The following NEURL1B variants were observed in gnomAD, a reference collection of about 807,000 sequenced individuals.
NEURL1B encodes the protein E3 ubiquitin-protein ligase NEURL1B.
A neutral mutation model predicts 37.4 loss-of-function variants in NEURL1B; 13 were observed. The observed-to-expected ratio is 0.35, with a 90% CI of 0.23 to 0.55. The LOEUF (loss-of-function observed/expected upper bound fraction) is 0.55, where lower values mean the gene tolerates loss of function less well. Ranked by LOEUF, NEURL1B falls within the 20% of genes least tolerant of loss-of-function variation. NEURL1B has a pLI of 0.89. For synonymous variants in NEURL1B, 432 were observed against 426.6 expected, an observed-to-expected ratio of 1.01 and a Z score of -0.16; for missense variants, 790 against 879.2, an observed-to-expected ratio of 0.90 and a Z score of 1.28.
At chr5:172,669,742 A>C in intron 1 of NEURL1B, 43 bp from the exon 2 acceptor site, 1 of 1,217,524 alleles carries the variant, frequency 8.2e-7, no homozygotes, top group Non-Finnish European at 1.0e-6. Flanking sequence ...GGCCCGCAGG[A>C]GTTCGGAGGA....
intron 1 of NEURL1B, among the ~76,000 whole-genome samples, chr5:172,667,884 C>G: frequency 8.2e-6 from 1 of 122,434 alleles, no homozygotes; most frequent in Admixed American, 1.1e-4. Flanking sequence ...CTACCCGCTT[C>G]CCTCCTTGCT....
intron 1 of NEURL1B, chr5:172,656,679 A>G (rs1369829500): frequency 5.9e-6 from 9 of 1,530,882 alleles, no homozygotes; most frequent in Admixed American, 1.8e-5. Flanking sequence ...GGGCTGTTTC[A>G]GTGGCTTCTT....
In NEURL1B at chr5:172,689,559, C is replaced by CT. The variant is rs1758589783; in HGVS notation, c.*2635dup. Reference sequence around the variant, plus strand: ...AAAAAAAAACTGTGCTACTTACAATCTATGAAAGCTGGTGTTATCCCACTT... The same window carrying CT: ...AAAAAAAAACTGTGCTACTTACAATCTTATGAAAGCTGGTGTTATCCCACTT... On this transcript the variant is annotated 3_prime_UTR_variant, in exon 5 of 5. Coordinates refer to ENST00000369800, the MANE Select transcript of NEURL1B (RefSeq NM_001142651.3). The CT allele has an allele frequency of 6.6e-6, 1 of 152,014 alleles. No individual in the cohort carries two copies. The highest frequency in any genetic ancestry group is 2.4e-5 in the African/African-American group (1 of 41,344). 9.4% of individuals were successfully genotyped at this position (152,014 alleles called of 1,614,324 possible).
chr5:172,664,584 G>A (rs1476129274), intron 1 of NEURL1B, among the ~76,000 whole-genome samples: 1 of 152,210 alleles, frequency 6.6e-6, no homozygotes, highest in Non-Finnish European at 1.5e-5. Context: ...GTTCAGGTTT[G>A]CCACTGACAT....
chr5:172,684,995 C>T (rs1758464298), intron 3 of NEURL1B, among the ~76,000 whole-genome samples: 1 of 152,188 alleles, frequency 6.6e-6, no homozygotes, highest in Admixed American at 6.5e-5. Context: ...CCCTTTGACT[C>T]TATTGAAATC....
chr5:172,683,832 G>A lies in NEURL1B; in HGVS notation c.991G>A (p.Gly331Arg). The A allele has an allele frequency of 1.5e-6, 2 of 1,327,666 alleles. No homozygotes were observed. Among genetic ancestry groups the A allele is most frequent in the South Asian group, 3.4e-5 (2 of 58,332 alleles). 82.2% of individuals were successfully genotyped at this position (1,327,666 alleles called of 1,614,324 possible). A position where few individuals can be genotyped will look rare whatever the true frequency, so the allele number is the denominator to read the frequency against. ...ESLFVEVGRPGLAAPGALAFG... is the reference protein window; with the variant it reads ...ESLFVEVGRPRLAAPGALAFG... ...CCTCTTCGTGGAGGTGGGCCGTCCGGGGCTGGCGGCGCCCGGCGCGCTGGC... is the reference window on the plus strand; with the variant it reads ...CCTCTTCGTGGAGGTGGGCCGTCCGAGGCTGGCGGCGCCCGGCGCGCTGGC... The change falls in exon 3 of 5, where the codon GGG becomes AGG. Residue 331 changes from glycine (G) to arginine (R), a missense_variant. Gly to Arg is a moderately radical substitution (Grantham distance 125, BLOSUM62 -2). Transcript: ENST00000369800. This position sits in a 1 kb window ranked among gnomAD's most constrained non-coding sequence, Gnocchi z 5.6.
rs934921610 is a variant in NEURL1B, at chr5:172,689,758, C to T, written c.*2833C>T. The T allele has an allele frequency of 3.9e-5, 6 of 152,346 alleles. No individual in the cohort carries two copies. The highest frequency in any genetic ancestry group is 8.8e-5 in the Non-Finnish European group (6 of 68,050). 9.4% of individuals were successfully genotyped at this position (152,346 alleles called of 1,614,324 possible). A position where few individuals can be genotyped will look rare whatever the true frequency, so the allele number is the denominator to read the frequency against. On this transcript the variant is annotated 3_prime_UTR_variant, in exon 5 of 5. Coordinates refer to ENST00000369800, the MANE Select transcript of NEURL1B (RefSeq NM_001142651.3). ...TGTGAGTTTTCTCCCTTGAAACTCA[C>T]CTGGAGAGAGTCCGGGCACCTGTGC...
chr5:172,682,657 A>T (rs974110502), intron 2 of NEURL1B, among the ~76,000 whole-genome samples: 1 of 152,238 alleles, frequency 6.6e-6, no homozygotes, highest in Non-Finnish European at 1.5e-5. Context: ...GTCAATGCTT[A>T]AACACCTATC....
intron 1 of NEURL1B, among the ~76,000 whole-genome samples, chr5:172,642,759 C>T (rs1183256156): frequency 6.6e-6 from 1 of 152,182 alleles, no homozygotes; most frequent in African/African-American, 2.4e-5. Context: ...GCAGAGTCAC[C>T]AGCTAGTCAG....
intron 2 of NEURL1B, among the ~76,000 whole-genome samples, chr5:172,674,457 T>C (rs62386677): frequency 0.2 from 30,778 of 151,866 alleles, 4,241 homozygotes; most frequent in African/African-American, 0.4. Flanking sequence ...AGTGACTAGC[T>C]TAGAACCACC....
rs1014006398 is a variant in NEURL1B, at chr5:172,657,728, C to T, written c.32-12057C>T. ...TCTCCTTTCCTTGGAGGAGTCAGGGCACACTCTGCTCCACCAGCTTCTTGT... is the reference window on the plus strand; with the variant it reads ...TCTCCTTTCCTTGGAGGAGTCAGGGTACACTCTGCTCCACCAGCTTCTTGT... On this transcript the variant is annotated intron_variant, in intron 1 of 4. Transcript: ENST00000369800. The surrounding 1 kb of genome is among the most constrained non-coding windows in gnomAD (Gnocchi z 4.0). Among the ~76,000 whole-genome samples the T allele has an allele frequency of 1.3e-5, 2 of 152,222 alleles. No individual in the cohort carries two copies. Among genetic ancestry groups the T allele is most frequent in the South Asian group, 4.1e-4 (2 of 4,820 alleles).
rs1241150261 is a variant in NEURL1B at position 172,691,163 on chromosome 5, G to A, written c.*4238G>A. 1 of 152,196 alleles carries A rather than the reference G, an allele frequency of 6.6e-6. No individual in the cohort carries two copies. Among genetic ancestry groups the A allele is most frequent in the Non-Finnish European group, 1.5e-5 (1 of 68,046 alleles). The allele number at this position is 152,196 out of a possible 1,614,324, so 9.4% of individuals were successfully genotyped here. ...TAAAAGCAACTTTTAAAAGTGGATG[G>A]GGAGGGGGGCTAGCATACGTGGTAG... On this transcript the variant is annotated 3_prime_UTR_variant, in exon 5 of 5. Coordinates refer to ENST00000369800, the MANE Select transcript of NEURL1B (RefSeq NM_001142651.3).
chr5:172,669,856 C>G lies in NEURL1B; in HGVS notation c.103C>G (p.Leu35Val). Residue 35 changes from leucine (L) to valine (V), a missense_variant, in exon 2 of 5, where the codon CTG becomes GTG. Coordinates refer to ENST00000369800, the MANE Select transcript of NEURL1B (RefSeq NM_001142651.3). The stretch of plus-strand genomic sequence containing the variant: ...CCCCGGCCCCGAGCGACGCCCGGTC[C>G]TGGGCGAGGCGCCGCGCTTCCACGC... ...CGPGPERRPV[L>V]GEAPRFHAQA... is the part of the protein sequence containing the mutation. 7.2e-7 allele frequency: 1 copy of G among 1,387,410 alleles called. No individual in the cohort carries two copies. Among genetic ancestry groups the G allele is most frequent in the Non-Finnish European group, 9.4e-7 (1 of 1,069,480 alleles). 85.9% of individuals were successfully genotyped at this position (1,387,410 alleles called of 1,614,324 possible).
At chr5:172,677,941 G>T (rs567297770) in intron 2 of NEURL1B, among the ~76,000 whole-genome samples, 184 of 152,204 alleles carry the variant, frequency 1.2e-3, no homozygotes, top group African/African-American at 4.1e-3. Context: ...CTTAAGCTGT[G>T]CCCTGAGGCG....
intron 1 of NEURL1B, among the ~76,000 whole-genome samples, chr5:172,650,432 A>C (rs750852235): frequency 4.6e-5 from 7 of 152,068 alleles, no homozygotes; most frequent in Non-Finnish European, 1.0e-4. Flanking sequence ...GCAGATGGGG[A>C]TACTGAGGAC....
Position 172,684,042 on chromosome 5 carries a change from C to G in NEURL1B, c.1201C>G (p.Arg401Gly). 1 of 1,334,262 alleles carries G rather than the reference C, an allele frequency of 7.5e-7. No homozygotes were observed. The highest frequency in any genetic ancestry group is 9.6e-7 in the Non-Finnish European group (1 of 1,040,036). 82.7% of individuals were successfully genotyped at this position (1,334,262 alleles called of 1,614,324 possible). A position where few individuals can be genotyped will look rare whatever the true frequency, so the allele number is the denominator to read the frequency against. ...CGACGTGCTCCTGGGCATCAACGGG[C>G]GTCCGCGCGGCCGCCTGCTGTGCGT... The part of the protein sequence containing the change: ...GGDVLLGING[R>G]PRGRLLCVDT... The change falls in exon 3 of 5, where the codon CGT (arginine) becomes GGT (glycine). Residue 401 changes from arginine to glycine, a missense_variant. Physicochemically the swap from Arg to Gly is moderately radical, Grantham distance 125 (BLOSUM62 -2). Transcript: ENST00000369800.
At position 172,655,603 on chromosome 5, in the gene NEURL1B, C is replaced by T. The variant is rs150547118; in HGVS notation, c.31+14166C>T. Among the ~76,000 whole-genome samples, 1,439 of 152,268 alleles carry T rather than the reference C, an allele frequency of 9.5e-3. 14 individuals are homozygous for T. Among genetic ancestry groups the T allele is most frequent in the Non-Finnish European group, 0.014 (971 of 68,016 alleles). ...TCATTCACGCACACACACATTTAGC[C>T]CTCCAGAATTTGATCACCAAGGAAG... is the stretch of plus-strand genomic sequence containing the variant. On this transcript the variant is annotated intron_variant, in intron 1 of 4. Coordinates refer to ENST00000369800, the MANE Select transcript of NEURL1B (RefSeq NM_001142651.3).
intron 3 of NEURL1B, among the ~76,000 whole-genome samples, chr5:172,685,390 C>T (rs1033958441): frequency 3.9e-5 from 6 of 152,120 alleles, no homozygotes; most frequent in Non-Finnish European, 8.8e-5. Flanking sequence ...CATTTCAGCC[C>T]GAGACGAAGT....
chr5:172,667,102 T>C lies in NEURL1B; in HGVS notation c.32-2683T>C, dbSNP rs183477215. Among the ~76,000 whole-genome samples the C allele has an allele frequency of 7.3e-3, 1,105 of 151,796 alleles. 9 individuals are homozygous for C. Among genetic ancestry groups the C allele is most frequent in the Middle Eastern group, 0.017 (5 of 292 alleles). On this transcript the variant is annotated intron_variant, in intron 1 of 4. Transcript: ENST00000369800. ...CTACTACTGGTATCTCCCTACCCTG[T>C]CCTTACCACCACTCTGCTTCCCATT...
Sources: allele counts gnomAD v4.1 joint callset (sites outside exome capture counted in the v4.1 genomes callset), GRCh38; gene constraint gnomAD v4.1.1; non-coding constraint Gnocchi (gnomAD v3.1); transcripts MANE v1.5; gene names NCBI Gene and HGNC (gene_info 2026-07-23, HGNC 2026-07-21).